Variants in GRM5 observed in about 807,000 individuals in gnomAD.
The protein encoded by GRM5 is metabotropic glutamate receptor 5.
Under a neutral mutation model 83.1 loss-of-function variants are expected in GRM5, and 19 were observed. That is an observed-to-expected ratio of 0.23 (90% CI 0.16 to 0.34). GRM5 has a LOEUF of 0.34. Among genes scored for constraint, GRM5 ranks in the 10% least tolerant of loss-of-function variants. The pLI, the probability that GRM5 is intolerant of heterozygous loss-of-function variation, is 1.00. For missense variants in GRM5, 1,160 were observed against 1,588.3 expected (o/e 0.73, Z 4.58); for synonymous variants, 675 against 633.6 (o/e 1.07, Z -0.98).
At chr11:88,771,395 C>T (rs752752928) in intron 3 of GRM5, among the ~76,000 whole-genome samples, 8 of 152,128 alleles carry the variant, frequency 5.3e-5, no homozygotes, top group African/African-American at 1.4e-4. Flanking sequence ...CTTCATTCCA[C>T]GGCTGAAGGC....
chr11:88,936,447 C>A (rs1937897408), intron 2 of GRM5, among the ~76,000 whole-genome samples: 1 of 151,778 alleles, frequency 6.6e-6, no homozygotes, highest in African/African-American at 2.4e-5. Context: ...GGTCATCAAG[C>A]TTTTTCTCAT....
intron 2 of GRM5, among the ~76,000 whole-genome samples, chr11:88,986,223 T>C (rs1360888614): frequency 6.6e-6 from 1 of 151,960 alleles, no homozygotes; most frequent in Non-Finnish European, 1.5e-5. Flanking sequence ...CTCTAGAGAG[T>C]TATGCTAAGT....
intron 7 of GRM5, among the ~76,000 whole-genome samples, chr11:88,579,756 G>A (rs1308638123): frequency 6.6e-6 from 1 of 152,188 alleles, no homozygotes; most frequent in Admixed American, 6.5e-5. Context: ...GAATTTGTAA[G>A]TACTTTGGCT....
intron 3 of GRM5, among the ~76,000 whole-genome samples, chr11:88,752,586 G>T (rs1475435479): frequency 6.6e-6 from 1 of 152,174 alleles, no homozygotes; most frequent in Non-Finnish European, 1.5e-5. Context: ...ATTTTTCACA[G>T]AATTAGAGAA....
At chr11:88,743,094 C>A (rs931895799) in intron 3 of GRM5, among the ~76,000 whole-genome samples, 3 of 152,122 alleles carry the variant, frequency 2.0e-5, no homozygotes, top group Admixed American at 6.6e-5. Flanking sequence ...CTCCTTCCAA[C>A]AGAATTGCCA....
At chr11:88,986,578 C>G (rs1939718554) in intron 2 of GRM5, among the ~76,000 whole-genome samples, 1 of 151,746 alleles carries the variant, frequency 6.6e-6, no homozygotes. Flanking sequence ...TTGTATGGGT[C>G]CCTTACACAT....
chr11:88,867,481 T>A (rs1944691909), intron 2 of GRM5, among the ~76,000 whole-genome samples: 1 of 151,718 alleles, frequency 6.6e-6, no homozygotes, highest in Non-Finnish European at 1.5e-5. Context: ...CATAAGAAGT[T>A]TATATTAACT....
intron 3 of GRM5, among the ~76,000 whole-genome samples, chr11:88,748,510 A>T (rs971532632): frequency 2.4e-4 from 36 of 152,152 alleles, no homozygotes; most frequent in African/African-American, 8.7e-4. Flanking sequence ...CAGCTGCTCC[A>T]GCCTGCAGGC....
intron 3 of GRM5, among the ~76,000 whole-genome samples, chr11:88,781,124 T>C (rs1402078469): frequency 1.9e-4 from 1 of 5,330 alleles, no homozygotes; most frequent in Admixed American, 4.2e-3. Flanking sequence ...TATACATATA[T>C]ATGTATATAT....
chr11:88,680,724 C>G, intron 3 of GRM5, among the ~76,000 whole-genome samples: 1 of 152,144 alleles, frequency 6.6e-6, no homozygotes. Context: ...GACTTGGAAC[C>G]AACATCAAAC....
intron 2 of GRM5, among the ~76,000 whole-genome samples, chr11:88,954,695 C>T (rs1390788582): frequency 6.6e-6 from 1 of 152,138 alleles, no homozygotes; most frequent in Non-Finnish European, 1.5e-5. Context: ...CCACATGTGG[C>T]TAGTAGCCAC....
chr11:88,902,078 G>A lies in GRM5; in HGVS notation c.662-51923C>T, dbSNP rs114293941. 4.0e-3 allele frequency among the ~76,000 whole-genome samples: 607 copies of A among 152,052 alleles called. 2 individuals are homozygous for A. Among genetic ancestry groups the A allele is most frequent in the African/African-American group, 0.014 (572 of 41,504 alleles). On this transcript the variant is annotated intron_variant, in intron 2 of 9. Transcript: ENST00000305447. ...TCCCCTGAGAAGGTCCCAAAATGCCGTGTGTTAACTTTATATGCTGCTTTT... is the reference window on the plus strand; with the variant it reads ...TCCCCTGAGAAGGTCCCAAAATGCCATGTGTTAACTTTATATGCTGCTTTT...
At chr11:88,820,233 A>T (rs1345138073) in intron 3 of GRM5, among the ~76,000 whole-genome samples, 1 of 151,650 alleles carries the variant, frequency 6.6e-6, no homozygotes, top group Admixed American at 6.6e-5. Context: ...TACAAAAAAA[A>T]AAAAATTAGC....
At chr11:89,056,601 T>C (rs1028931834) in intron 1 of GRM5, among the ~76,000 whole-genome samples, 3 of 152,124 alleles carry the variant, frequency 2.0e-5, no homozygotes, top group Non-Finnish European at 4.4e-5. Context: ...TTTCTTTAGG[T>C]TATAGCTTTT....
intron 3 of GRM5, among the ~76,000 whole-genome samples, chr11:88,798,805 C>CAAAAAAAAAA (rs4002396): frequency 6.5e-4 from 36 of 55,330 alleles, no homozygotes; most frequent in African/African-American, 1.7e-3. Context: ...ATGAAAACAC[C>CAAAAAAAAAA]AAAAAAAAAA....
chr11:88,719,423 A>G (rs563417432), intron 3 of GRM5, among the ~76,000 whole-genome samples: 1 of 152,178 alleles, frequency 6.6e-6, no homozygotes, highest in South Asian at 2.1e-4. Context: ...ATATAATTAC[A>G]TGGTGTATAT....
At position 88,619,621 on chromosome 11, in the gene GRM5, G is replaced by A. The variant is rs182807832; in HGVS notation, c.1148-14657C>T. Among the ~76,000 whole-genome samples, 1,164 of 152,252 alleles carry A rather than the reference G, an allele frequency of 7.6e-3. 5 individuals carry two copies. Among genetic ancestry groups the A allele is most frequent in the Middle Eastern group, 0.02 (6 of 294 alleles). On this transcript the variant is annotated intron_variant, in intron 4 of 9. Transcript: ENST00000305447. ...TCTTGGGTAGTGTTATTTTCATTAT[G>A]TGAGGCTAAGGAACCACTGTTTAAG...
At chr11:88,671,733 T>C (rs983607587) in intron 3 of GRM5, among the ~76,000 whole-genome samples, 2 of 152,050 alleles carry the variant, frequency 1.3e-5, no homozygotes, top group Admixed American at 6.6e-5. Flanking sequence ...ACCCAGAATA[T>C]TGGAAGTTAA....
intron 2 of GRM5, among the ~76,000 whole-genome samples, chr11:89,023,317 T>A (rs1941036694): frequency 6.6e-6 from 1 of 152,116 alleles, no homozygotes; most frequent in Non-Finnish European, 1.5e-5. Flanking sequence ...CCAAACACTC[T>A]TCTTCTGCTC....
Sources: allele counts gnomAD v4.1 joint callset (sites outside exome capture counted in the v4.1 genomes callset), GRCh38; gene constraint gnomAD v4.1.1; transcripts MANE v1.5; gene names NCBI Gene and HGNC (gene_info 2026-07-23, HGNC 2026-07-21).